TRMT11: variants seen among roughly 807,000 people sequenced by gnomAD.
TRMT11 encodes tRNA methyltransferase 11.
TRMT11 carries 53 observed loss-of-function variants against 62.8 expected under a neutral mutation model. The observed-to-expected ratio is 0.84, with a 90% CI of 0.68 to 1.06. The LOEUF is 1.06. Ranked by LOEUF, TRMT11 falls within the 50% of genes least tolerant of loss-of-function variation. The probability of loss-of-function intolerance (pLI) is 0.00; values close to 1 mark genes in which losing one functional copy is unlikely to be tolerated. For missense variants in TRMT11, 556 were observed against 553.4 expected (o/e 1.00, Z -0.05); for synonymous variants, 188 against 190.3 (o/e 0.99, Z 0.10).
At chr6:126,182,729 C>T (rs1202102016) in intron 1 of TRMT11, among the ~76,000 whole-genome samples, 1 of 152,082 alleles carries the variant, frequency 6.6e-6, no homozygotes, top group Admixed American at 6.6e-5. Flanking sequence ...TAAAGATTTG[C>T]TCTTAGAGGG....
At chr6:126,153,001 T>A (rs894988691) in intron 21 of TRMT11, among the ~76,000 whole-genome samples, 18 of 152,318 alleles carry the variant, frequency 1.2e-4, no homozygotes, top group Middle Eastern at 3.4e-3. Flanking sequence ...CTCAGATACT[T>A]CATCTGCAAA....
chr6:126,055,645 A>T (rs1050427989), intron 17 of TRMT11, among the ~76,000 whole-genome samples: 4 of 152,178 alleles, frequency 2.6e-5, no homozygotes, highest in Admixed American at 6.5e-5. Context: ...GAGAGGTTTT[A>T]TGGGGTGCAA....
At chr6:126,076,331 T>C (rs1343562754) in intron 17 of TRMT11, among the ~76,000 whole-genome samples, 1 of 152,226 alleles carries the variant, frequency 6.6e-6, no homozygotes, top group Non-Finnish European at 1.5e-5. Context: ...CATATCTGCC[T>C]ATGTGACAAT....
At chr6:126,021,563 C>T (rs939909415) in intron 12 of TRMT11, among the ~76,000 whole-genome samples, 3 of 152,174 alleles carry the variant, frequency 2.0e-5, no homozygotes, top group African/African-American at 7.2e-5. Context: ...AGTTATAAAA[C>T]AGCATTATTA....
At chr6:126,242,850 A>T in the TRMT11 span, among the ~76,000 whole-genome samples, 2 of 152,212 alleles carry the variant, frequency 1.3e-5, no homozygotes, top group African/African-American at 2.4e-5. Context: ...AACCTAGGCA[A>T]TACCATTCAG....
intron 8 of TRMT11, among the ~76,000 whole-genome samples, chr6:126,008,897 C>G (rs898131479): frequency 3.3e-5 from 5 of 151,906 alleles, no homozygotes; most frequent in Admixed American, 6.6e-5. Context: ...TCTTCAAATA[C>G]AAAATTGTGA....
chr6:126,179,981 A>G (rs185897821), intron 1 of TRMT11, among the ~76,000 whole-genome samples: 1,904 of 152,266 alleles, frequency 0.013, 12 homozygotes, highest in Non-Finnish European at 0.019. Flanking sequence ...CTATATAAGA[A>G]AGGAGAAAAA....
chr6:126,167,028 A>G (rs2128233045), intron 21 of TRMT11, among the ~76,000 whole-genome samples: 1 of 152,310 alleles, frequency 6.6e-6, no homozygotes, highest in East Asian at 1.9e-4. Flanking sequence ...ATTTCAAGCC[A>G]GTGCATCTTA....
chr6:126,089,640 A>G (rs1435543201), intron 17 of TRMT11, among the ~76,000 whole-genome samples: 1 of 152,160 alleles, frequency 6.6e-6, no homozygotes, highest in African/African-American at 2.4e-5. Context: ...GTCCTGCTGA[A>G]TGAAGAACTG....
At chr6:126,258,800 A>G in the TRMT11 span, among the ~76,000 whole-genome samples, 86 of 152,026 alleles carry the variant, frequency 5.7e-4, no homozygotes, top group African/African-American at 2.0e-3. Flanking sequence ...GTTTTTTTAA[A>G]CAAACATTTC....
the TRMT11 span, among the ~76,000 whole-genome samples, chr6:126,209,618 C>G: frequency 5.9e-5 from 9 of 151,416 alleles, no homozygotes; most frequent in African/African-American, 2.2e-4. Context: ...CCCAGCTACT[C>G]GGGAGGCTGA....
intron 21 of TRMT11, among the ~76,000 whole-genome samples, chr6:126,153,079 A>G (rs1407577925): frequency 6.6e-6 from 1 of 152,212 alleles, no homozygotes; most frequent in Non-Finnish European, 1.5e-5. Context: ...GTACCTCTCA[A>G]AGATCCACAG....
At chr6:126,243,171 G>A in the TRMT11 span, among the ~76,000 whole-genome samples, 2 of 152,116 alleles carry the variant, frequency 1.3e-5, no homozygotes, top group African/African-American at 4.8e-5. Context: ...GCAGCCAAAA[G>A]ACACATGAAA....
chr6:126,059,415 A>G (rs1489253445), intron 17 of TRMT11, among the ~76,000 whole-genome samples: 2 of 152,172 alleles, frequency 1.3e-5, no homozygotes, highest in Admixed American at 1.3e-4. Flanking sequence ...TTATTTGGCT[A>G]AAAGGAGTAT....
chr6:126,030,644 G>A (rs1032032451), intron 12 of TRMT11, among the ~76,000 whole-genome samples: 4 of 152,098 alleles, frequency 2.6e-5, no homozygotes, highest in African/African-American at 9.7e-5. Context: ...CTGCTGTTTT[G>A]TATAAACTAC....
intron 12 of TRMT11, 77 bp from the exon 13 acceptor site, chr6:126,038,628 G>A: frequency 7.7e-7 from 1 of 1,295,358 alleles, no homozygotes. Context: ...TTAAGATTTT[G>A]CTTAAGGTAA....
chr6:126,103,825 T>C (rs1777431640), intron 17 of TRMT11, among the ~76,000 whole-genome samples: 1 of 152,194 alleles, frequency 6.6e-6, no homozygotes. Flanking sequence ...CATAACATAA[T>C]GTCATAATGA....
chr6:126,014,408 G>A (rs1794689077), intron 11 of TRMT11, among the ~76,000 whole-genome samples: 1 of 151,962 alleles, frequency 6.6e-6, no homozygotes, highest in South Asian at 2.1e-4. Context: ...ACGCCACCAC[G>A]GCCCGCTAAG....
the TRMT11 span, among the ~76,000 whole-genome samples, chr6:126,233,326 G>T: frequency 6.6e-6 from 1 of 152,092 alleles, no homozygotes; most frequent in African/African-American, 2.4e-5. Flanking sequence ...CTCTGCTCTG[G>T]GAAATTACCA....
Sources: gnomAD v4.1 joint callset for allele counts (sites outside exome capture counted in the v4.1 genomes callset) on GRCh38, gnomAD v4.1.1 for gene constraint, MANE v1.5 for transcripts, NCBI Gene and HGNC (gene_info 2026-07-23, HGNC 2026-07-21) for gene names.